Variants in TMEM116 observed in about 807,000 individuals in gnomAD.
TMEM116 encodes the protein transmembrane protein 116.
A neutral mutation model predicts 44.3 loss-of-function variants in TMEM116; 38 were observed. The observed-to-expected ratio is 0.86, with a 90% CI of 0.66 to 1.12. The LOEUF (loss-of-function observed/expected upper bound fraction) is 1.12. Ranked by LOEUF, TMEM116 falls within the 50% of genes most tolerant of loss-of-function variation. The pLI is 0.00. For missense variants in TMEM116, 354 were observed against 401.7 expected (o/e 0.88, Z 1.01); for synonymous variants, 132 against 144.8 (o/e 0.91, Z 0.64).
chr12:111,945,075 A>T (rs898267194), intron 4 of TMEM116, among the ~76,000 whole-genome samples: 1 of 117,914 alleles, frequency 8.5e-6, no homozygotes, highest in African/African-American at 3.3e-5. Context: ...ACTCCATCTA[A>T]AAAAAAAAAA....
chr12:111,962,432 A>G (rs1175124651), intron 4 of TMEM116, among the ~76,000 whole-genome samples: 1 of 152,236 alleles, frequency 6.6e-6, no homozygotes, highest in Non-Finnish European at 1.5e-5. Flanking sequence ...AAGCTACAGT[A>G]ACAAAAACAG....
chr12:111,958,641 A>G (rs1383533203), intron 4 of TMEM116, among the ~76,000 whole-genome samples: 1 of 152,230 alleles, frequency 6.6e-6, no homozygotes, highest in Non-Finnish European at 1.5e-5. Context: ...ACCAGTTTAG[A>G]GAAGAACATA....
chr12:111,975,662 T>C (rs1374542693), intron 4 of TMEM116, among the ~76,000 whole-genome samples: 3 of 152,116 alleles, frequency 2.0e-5, no homozygotes, highest in Admixed American at 6.6e-5. Flanking sequence ...CCTATCCTTA[T>C]AGCAAGAAAA....
At chr12:111,992,455 G>C (rs915007481) in intron 3 of TMEM116, among the ~76,000 whole-genome samples, 1 of 152,028 alleles carries the variant, frequency 6.6e-6, no homozygotes, top group Non-Finnish European at 1.5e-5. Context: ...ATTTTTAGTA[G>C]AGATGGGGTT....
chr12:111,975,832 C>T (rs753196582), intron 4 of TMEM116, among the ~76,000 whole-genome samples: 5 of 151,996 alleles, frequency 3.3e-5, no homozygotes, highest in Non-Finnish European at 5.9e-5. Context: ...AAGGTCACAG[C>T]CCAAGAGCTC....
intron 6 of TMEM116, among the ~76,000 whole-genome samples, chr12:111,937,749 C>G (rs2072278248): frequency 6.6e-6 from 1 of 152,188 alleles, no homozygotes; most frequent in Admixed American, 6.5e-5. Flanking sequence ...AAAACCAACT[C>G]TGATATGGCC....
chr12:111,996,681 C>T (rs941179047), intron 3 of TMEM116, among the ~76,000 whole-genome samples: 9 of 151,942 alleles, frequency 5.9e-5, no homozygotes, highest in Admixed American at 1.3e-4. Flanking sequence ...TATGCATTTG[C>T]GCACCAGAAA....
chr12:111,989,725 A>G (rs1166721399), intron 4 of TMEM116, among the ~76,000 whole-genome samples: 1 of 152,260 alleles, frequency 6.6e-6, no homozygotes, highest in African/African-American at 2.4e-5. Flanking sequence ...CCTAGAAATG[A>G]GCCAGACATT....
intron 10 of TMEM116, among the ~76,000 whole-genome samples, chr12:111,932,304 CTTGT>C (rs1245007013): frequency 6.6e-6 from 1 of 152,142 alleles, no homozygotes; most frequent in African/African-American, 2.4e-5. Context: ...CCTGGCAGAT[CTTGT>C]TTATTTTTGC....
At chr12:111,962,853 G>T (rs1298231876) in intron 4 of TMEM116, among the ~76,000 whole-genome samples, 1 of 152,126 alleles carries the variant, frequency 6.6e-6, no homozygotes, top group South Asian at 2.1e-4. Flanking sequence ...CACAGCAAAA[G>T]AAACTATCAT....
chr12:111,976,728 C>G (rs1024156309), intron 4 of TMEM116, among the ~76,000 whole-genome samples: 1 of 151,910 alleles, frequency 6.6e-6, no homozygotes, highest in Non-Finnish European at 1.5e-5. Flanking sequence ...ATGGAAAAAA[C>G]AGACAACATG....
chr12:111,980,935 G>A (rs755311051), intron 4 of TMEM116, among the ~76,000 whole-genome samples: 1 of 151,996 alleles, frequency 6.6e-6, no homozygotes, highest in Non-Finnish European at 1.5e-5. Flanking sequence ...TTAACTGGGC[G>A]TGGTAGTGTG....
At position 111,936,842 on chromosome 12, in the gene TMEM116, A is replaced by C; in HGVS notation, c.450-12T>G. 1 of 1,581,160 alleles carries C rather than the reference A, an allele frequency of 6.3e-7. No individual in the cohort carries two copies. The highest frequency in any genetic ancestry group is 1.2e-5 in the South Asian group (1 of 84,402). ...GCATCAAGATACACCTAGGAAGAAA[A>C]TCAATAAACAGGAGTACTACTACAG... On this transcript the variant is annotated splice_polypyrimidine_tract_variant and intron_variant, in intron 7 of 10. Transcript: ENST00000552374.
chr12:112,006,707 TAC>T (rs1180767588), intron 1 of TMEM116, among the ~76,000 whole-genome samples: 1 of 152,152 alleles, frequency 6.6e-6, no homozygotes, highest in Admixed American at 6.5e-5. Flanking sequence ...AGAATATACC[TAC>T]ACAGAGTAGC....
intron 4 of TMEM116, among the ~76,000 whole-genome samples, chr12:111,980,687 A>C (rs1430698102): frequency 6.6e-6 from 1 of 152,106 alleles, no homozygotes; most frequent in African/African-American, 2.4e-5. Flanking sequence ...GTACCAGGGA[A>C]CTCTGTAGTA....
chr12:112,004,479 G>T (rs985262710), intron 2 of TMEM116, among the ~76,000 whole-genome samples: 7 of 151,956 alleles, frequency 4.6e-5, no homozygotes, highest in African/African-American at 1.7e-4. Context: ...TAGAGACAGG[G>T]TCTCGCTATG....
intron 4 of TMEM116, among the ~76,000 whole-genome samples, chr12:111,966,083 A>AT (rs2074961656): frequency 6.6e-6 from 1 of 152,238 alleles, no homozygotes; most frequent in Non-Finnish European, 1.5e-5. Context: ...GAGGCGGCTG[A>AT]TCACCTGAGG....
chr12:111,966,104 G>C (rs1324590993), intron 4 of TMEM116, among the ~76,000 whole-genome samples: 2 of 152,100 alleles, frequency 1.3e-5, no homozygotes, highest in Non-Finnish European at 2.9e-5. Flanking sequence ...TCAGGAGTTT[G>C]AGACCAGTCT....
At chr12:111,948,189 G>C (rs1438109411) in intron 4 of TMEM116, among the ~76,000 whole-genome samples, 1 of 152,190 alleles carries the variant, frequency 6.6e-6, no homozygotes, top group Non-Finnish European at 1.5e-5. Context: ...TAGAAGCCTT[G>C]AAACTTATAT....
Sources: gnomAD v4.1 joint callset for allele counts (sites outside exome capture counted in the v4.1 genomes callset) on GRCh38, gnomAD v4.1.1 for gene constraint, MANE v1.5 for transcripts, NCBI Gene and HGNC (gene_info 2026-07-23, HGNC 2026-07-21) for gene names.